The following FBXW8 variants were observed in gnomAD, a reference collection of about 807,000 sequenced individuals.
FBXW8 encodes the protein F-box and WD repeat domain containing 8.
FBXW8 carries 57 observed loss-of-function variants against 65.3 expected under a neutral mutation model. The observed-to-expected ratio is 0.87, with a 90% CI of 0.71 to 1.09. The LOEUF is 1.09. FBXW8 is among the 50% of genes least tolerant of loss of function. The pLI is 0.00. For missense variants in FBXW8, 777 were observed against 814.8 expected (o/e 0.95, Z 0.57); for synonymous variants, 308 against 330.2 (o/e 0.93, Z 0.73).
At chr12:116,928,706 G>A (rs1039786411) in intron 2 of FBXW8, among the ~76,000 whole-genome samples, 2 of 152,152 alleles carry the variant, frequency 1.3e-5, no homozygotes, top group African/African-American at 4.8e-5. Flanking sequence ...GAGTGGAATG[G>A]TGGGAGATAT....
At chr12:117,018,438 T>TAA (rs762409604) in intron 8 of FBXW8, among the ~76,000 whole-genome samples, 2 of 152,092 alleles carry the variant, frequency 1.3e-5, no homozygotes, top group Non-Finnish European at 2.9e-5. Context: ...CAGCGTCGAG[T>TAA]ATTTGGTTTG....
chr12:116,989,196 G>A (rs776476359), intron 7 of FBXW8, among the ~76,000 whole-genome samples: 33 of 152,252 alleles, frequency 2.2e-4, no homozygotes, highest in Admixed American at 5.2e-4. Context: ...ATAGTGTTCT[G>A]TACCCAACAT....
intron 4 of FBXW8, among the ~76,000 whole-genome samples, chr12:116,962,789 T>C (rs1425525370): frequency 6.6e-6 from 1 of 152,204 alleles, no homozygotes; most frequent in Non-Finnish European, 1.5e-5. Flanking sequence ...ATGTCTCATC[T>C]GTTGTGTCTC....
At chr12:116,933,422 A>G (rs898241197) in intron 2 of FBXW8, among the ~76,000 whole-genome samples, 4 of 152,260 alleles carry the variant, frequency 2.6e-5, no homozygotes, top group Admixed American at 2.6e-4. Context: ...TCAGAGAAAG[A>G]TAGAATCTAG....
At chr12:116,914,874 T>A (rs986141199) in intron 1 of FBXW8, among the ~76,000 whole-genome samples, 4 of 152,146 alleles carry the variant, frequency 2.6e-5, no homozygotes, top group African/African-American at 9.7e-5. Context: ...AAATTCCATC[T>A]CAAAAAATAA....
chr12:116,976,470 T>TC (rs1226193824), intron 5 of FBXW8, among the ~76,000 whole-genome samples: 1 of 147,454 alleles, frequency 6.8e-6, no homozygotes, highest in African/African-American at 2.5e-5. Flanking sequence ...TTTTTTTTTT[T>TC]TTCAAAACAG....
chr12:116,985,446 C>CT, intron 6 of FBXW8, 44 bp downstream of exon 6: 1 of 1,585,372 alleles, frequency 6.3e-7, no homozygotes, highest in Non-Finnish European at 8.6e-7. Context: ...TTCTTAGAAT[C>CT]TCTGGGTCTA....
Position 116,988,679 on chromosome 12 carries a change from T to C in FBXW8, c.1049T>C (p.Ile350Thr). The change falls in exon 7 of 11, where the codon ATA becomes ACA. Residue 350 changes from isoleucine (I) to threonine (T), a missense_variant. Ile to Thr is a moderately conservative substitution (Grantham distance 89). Transcript: ENST00000652555. ...TTTTAACAGGTTCAGTACCTTGAAA[T>C]AGTTCCAGAAACCAGAAGGTACCCT... ...EVPKLVQYLE[I>T]VPETRRYPVA... The C allele has an allele frequency of 6.2e-7, 1 of 1,614,150 alleles. No individual in the cohort carries two copies. Among genetic ancestry groups the C allele is most frequent in the South Asian group, 1.1e-5 (1 of 91,082 alleles).
chr12:116,946,003 T>G (rs1289866804), intron 3 of FBXW8, among the ~76,000 whole-genome samples: 1 of 152,230 alleles, frequency 6.6e-6, no homozygotes. Context: ...CCATAACATT[T>G]ATCACTTCAA....
intron 5 of FBXW8, among the ~76,000 whole-genome samples, chr12:116,970,412 A>G (rs1357667367): frequency 6.6e-6 from 1 of 152,162 alleles, no homozygotes; most frequent in Non-Finnish European, 1.5e-5. Flanking sequence ...GTCTGAACGC[A>G]CACATGCTCC....
At chr12:116,927,762 A>G (rs867994193) in intron 1 of FBXW8, among the ~76,000 whole-genome samples, 1 of 152,176 alleles carries the variant, frequency 6.6e-6, no homozygotes, top group African/African-American at 2.4e-5. Context: ...GTGAAGCACC[A>G]TGGGAAATGG....
At chr12:116,964,414 T>G (rs969569581) in intron 4 of FBXW8, among the ~76,000 whole-genome samples, 22 of 152,206 alleles carry the variant, frequency 1.4e-4, no homozygotes, top group Non-Finnish European at 2.2e-4. Context: ...GTTGTAATAG[T>G]GTAAAAGGAA....
At chr12:116,928,855 G>T (rs2137310807) in intron 2 of FBXW8, among the ~76,000 whole-genome samples, 1 of 152,260 alleles carries the variant, frequency 6.6e-6, no homozygotes, top group African/African-American at 2.4e-5. Context: ...CTGTCGCCCA[G>T]GCTGGAGTGC....
At chr12:116,978,257 A>G (rs1334334115) in intron 5 of FBXW8, 3 of 152,064 alleles carry the variant, frequency 2.0e-5, no homozygotes, top group Admixed American at 2.0e-4. Context: ...CACTGATACT[A>G]ATCTCCCACC....
intron 4 of FBXW8, among the ~76,000 whole-genome samples, chr12:116,953,366 A>G (rs1265355980): frequency 6.6e-6 from 1 of 152,210 alleles, no homozygotes; most frequent in Non-Finnish European, 1.5e-5. Flanking sequence ...CAGCATCCAC[A>G]GGCAGGGCTG....
intron 7 of FBXW8, among the ~76,000 whole-genome samples, chr12:117,007,131 G>A (rs956876553): frequency 2.0e-5 from 3 of 152,152 alleles, no homozygotes; most frequent in Admixed American, 6.5e-5. Context: ...AGAATTTGTT[G>A]TAAGATGTAT....
intron 6 of FBXW8, chr12:116,985,991 A>G (rs1885652882): frequency 1.3e-5 from 2 of 152,458 alleles, no homozygotes; most frequent in Admixed American, 1.3e-4. Flanking sequence ...TTCTGAGTTC[A>G]TTGGTACAGG....
rs577753976 is a variant in FBXW8, at chr12:116,930,621, C to T, written c.423+2494C>T. Among the ~76,000 whole-genome samples, 9 of 151,994 alleles carry T rather than the reference C, an allele frequency of 5.9e-5. No homozygotes were observed. The South Asian group carries it at 1.9e-3, about 32-fold the overall frequency. ...GTCTCTGTATTCTGTTGATTGTTTC[C>T]TTTGCTGTACAAAAGCTTTTTAGTT... On this transcript the variant is annotated intron_variant, in intron 2 of 10. Transcript: ENST00000652555.
intron 3 of FBXW8, 42 bp from the exon 4 acceptor site, chr12:116,949,576 C>T: frequency 6.3e-7 from 1 of 1,584,268 alleles, no homozygotes; most frequent in Non-Finnish European, 8.7e-7. Context: ...TTCGGGCTGT[C>T]CCGAGAGCAG....
Sources: gnomAD v4.1 joint callset for allele counts (sites outside exome capture counted in the v4.1 genomes callset) on GRCh38, gnomAD v4.1.1 for gene constraint, MANE v1.5 for transcripts, NCBI Gene and HGNC (gene_info 2026-07-23, HGNC 2026-07-21) for gene names.